EDA: variants seen among roughly 807,000 people sequenced by gnomAD.
The protein encoded by EDA is ectodysplasin-A.
In EDA, 2 loss-of-function variants were observed where a neutral mutation model predicts 23.6. The ratio of observed to expected loss-of-function variants is 0.08; its 90% CI spans 0.03 to 0.27. The LOEUF (loss-of-function observed/expected upper bound fraction) is 0.27, where lower values mean the gene tolerates loss of function less well. EDA is among the 10% of genes least tolerant of loss of function. The pLI, the probability that EDA is intolerant of heterozygous loss-of-function variation, is 1.00. For missense variants in EDA, 229 were observed against 324.2 expected, an observed-to-expected ratio of 0.71 and a Z score of 2.26; for synonymous variants, 131 against 132.0, an observed-to-expected ratio of 0.99 and a Z score of 0.05.
In EDA at chrX:70,030,381, T is replaced by C. The variant is rs1374714364; in HGVS notation, c.742-88T>C. ...TCAGAATTGGATTACAATAGAAGAC[T>C]AGAAACCAGGATGGAAACATGGGAC... is the stretch of plus-strand genomic sequence containing the variant. On this transcript the variant is annotated intron_variant, in intron 5 of 7. Transcript: ENST00000374552. 5.9e-6 allele frequency: 5 copies of C among 841,479 alleles called. No individual in the cohort carries two copies. The African/African-American group carries it at 8.0e-5, about 14-fold the overall frequency. 69.3% of individuals were successfully genotyped at this position (841,479 alleles called of 1,213,427 possible).
At chrX:69,831,422 G>T (rs1051726816) in intron 1 of EDA, among the ~76,000 whole-genome samples, 6 of 112,568 alleles carry the variant, frequency 5.3e-5, no homozygotes, top group Admixed American at 9.4e-5. Context: ...ATTTGATGGT[G>T]TATATGTGCC....
chrX:69,678,458 G>T (rs1319247430), intron 1 of EDA, among the ~76,000 whole-genome samples: 1 of 111,937 alleles, frequency 8.9e-6, no homozygotes, highest in Non-Finnish European at 1.9e-5. Context: ...CCATAAGCAT[G>T]TAATGTTCTT....
rs1318188665 is a variant in EDA, at chrX:69,978,476, C to T, written c.502+21344C>T. On this transcript the variant is annotated intron_variant, in intron 2 of 7. Transcript: ENST00000374552. ...TGAAGTTGCATCACTGCACTCCATC[C>T]TGGGTGACAGAGCCAGAATCTGTCT... Among the ~76,000 whole-genome samples, 3 of 93,021 alleles carry T rather than the reference C, an allele frequency of 3.2e-5. No homozygotes were observed. In the East Asian group the frequency reaches 1.0e-3, roughly 31 times the overall value. 80.8% of individuals were successfully genotyped at this position (93,021 alleles called of 115,157 possible).
intron 1 of EDA, among the ~76,000 whole-genome samples, chrX:69,726,120 A>G (rs2012793292): frequency 8.9e-6 from 1 of 112,349 alleles, no homozygotes; most frequent in East Asian, 2.8e-4. Flanking sequence ...AAAGGAAAGT[A>G]CAGTGAGTTT....
Position 69,834,695 on chromosome X carries a change from G to A in EDA, c.397-122332G>A, listed in dbSNP as rs2016722999. Among the ~76,000 whole-genome samples, 3 of 110,721 alleles carry A rather than the reference G, an allele frequency of 2.7e-5. No individual in the cohort carries two copies. In the South Asian group the frequency reaches 1.2e-3, roughly 43 times the overall value. On this transcript the variant is annotated intron_variant, in intron 1 of 7. Transcript: ENST00000374552. The stretch of plus-strand genomic sequence containing the variant: ...TTGCCAGTCTGTGTCTTTTAACTGG[G>A]GCATTTAGCCCATGTACATTTAAGG...
At chrX:69,850,359 G>A (rs1405511599) in intron 1 of EDA, among the ~76,000 whole-genome samples, 1 of 112,114 alleles carries the variant, frequency 8.9e-6, no homozygotes, top group Non-Finnish European at 1.9e-5. Context: ...AAGTAGGAAT[G>A]GTTTGAGCCT....
chrX:69,678,430 G>A (rs1042951276), intron 1 of EDA, among the ~76,000 whole-genome samples: 2 of 111,617 alleles, frequency 1.8e-5, no homozygotes, highest in African/African-American at 6.5e-5. Context: ...CCATTTTCAC[G>A]ATATTGATTC....
intron 1 of EDA, among the ~76,000 whole-genome samples, chrX:69,929,938 C>A (rs2018575701): frequency 9.1e-6 from 1 of 110,089 alleles, no homozygotes; most frequent in Admixed American, 9.8e-5. Context: ...CCAGAAGTAT[C>A]CTGCTTATTT....
chrX:69,954,387 TTG>T (rs1233803502), intron 1 of EDA, among the ~76,000 whole-genome samples: 2 of 111,237 alleles, frequency 1.8e-5, no homozygotes, highest in Non-Finnish European at 3.8e-5. Flanking sequence ...CACTTTCAGG[TTG>T]TGTTAGATGC....
chrX:69,648,198 T>C (rs1325982703), intron 1 of EDA, among the ~76,000 whole-genome samples: 3 of 111,916 alleles, frequency 2.7e-5, no homozygotes, highest in African/African-American at 9.7e-5. Flanking sequence ...AAAGAAGCAG[T>C]CTGGCTGCTT....
rs543168657 is a variant in EDA at position 69,931,037 on chromosome X, G to T, written c.397-25990G>T. 8.1e-5 allele frequency among the ~76,000 whole-genome samples: 9 copies of T among 111,367 alleles called. No homozygotes were observed. The East Asian group carries it at 2.5e-3, about 31-fold the overall frequency. On this transcript the variant is annotated intron_variant, in intron 1 of 7. Transcript: ENST00000374552. ...GCTGATCTGAAAATTTATGTGGAAA[G>T]TCTGAGTACCTAGAATATCCTAAAC...
chrX:69,817,807 G>A (rs1364555432), intron 1 of EDA, among the ~76,000 whole-genome samples: 1 of 111,266 alleles, frequency 9.0e-6, no homozygotes. Flanking sequence ...ATATTAGACA[G>A]GTCATTGAGA....
intron 1 of EDA, among the ~76,000 whole-genome samples, chrX:69,733,459 A>G (rs188076990): frequency 0.064 from 6,741 of 105,743 alleles, 206 homozygotes; most frequent in Middle Eastern, 0.095. Context: ...CCGTTGGTCT[A>G]TATCTCTGTT....
At chrX:69,706,957 G>T (rs1284752246) in intron 1 of EDA, among the ~76,000 whole-genome samples, 2 of 111,368 alleles carry the variant, frequency 1.8e-5, no homozygotes, top group Non-Finnish European at 3.8e-5. Flanking sequence ...TCAGGTGGTT[G>T]GGGGGTACCT....
At chrX:69,979,228 A>G (rs886217783) in intron 2 of EDA, among the ~76,000 whole-genome samples, 2 of 112,349 alleles carry the variant, frequency 1.8e-5, no homozygotes, top group African/African-American at 6.5e-5. Flanking sequence ...TAGCATATAC[A>G]GTACTTCATT....
intron 1 of EDA, among the ~76,000 whole-genome samples, chrX:69,875,790 C>T (rs931505754): frequency 9.1e-6 from 1 of 110,118 alleles, no homozygotes; most frequent in African/African-American, 3.3e-5. Flanking sequence ...CATCAGCCCC[C>T]CAAAAAACCA....
chrX:69,660,676 C>CT (rs1378163590), intron 1 of EDA, among the ~76,000 whole-genome samples: 1 of 111,098 alleles, frequency 9.0e-6, no homozygotes, highest in Non-Finnish European at 1.9e-5. Flanking sequence ...GGAACTCATC[C>CT]TTTTTTATGG....
intron 1 of EDA, among the ~76,000 whole-genome samples, chrX:69,895,205 C>T (rs1021087966): frequency 1.8e-5 from 2 of 111,025 alleles, no homozygotes; most frequent in Non-Finnish European, 3.8e-5. Flanking sequence ...TGTGATGAAT[C>T]GCATTTATTG....
intron 1 of EDA, among the ~76,000 whole-genome samples, chrX:69,736,690 G>A (rs2013272072): frequency 9.1e-6 from 1 of 109,454 alleles, no homozygotes; most frequent in South Asian, 4.0e-4. Context: ...TGGCAGTGTT[G>A]CCAGTTAATT....
Sources: gnomAD v4.1 joint callset for allele counts (sites outside exome capture counted in the v4.1 genomes callset) on GRCh38, gnomAD v4.1.1 for gene constraint, MANE v1.5 for transcripts, NCBI Gene and HGNC (gene_info 2026-07-23, HGNC 2026-07-21) for gene names.